Variants in KIF14 observed in about 807,000 individuals in gnomAD.
KIF14 encodes the protein kinesin-like protein KIF14.
Under a neutral mutation model 176.2 loss-of-function variants are expected in KIF14, and 98 were observed. The ratio of observed to expected loss-of-function variants is 0.56; its 90% CI spans 0.47 to 0.66. KIF14 has a LOEUF of 0.66. KIF14 is among the 30% of genes least tolerant of loss of function. The probability of loss-of-function intolerance (pLI) is 0.00; values close to 1 mark genes in which losing one functional copy is unlikely to be tolerated. For missense variants in KIF14, 1,751 were observed against 1,920.4 expected, an observed-to-expected ratio of 0.91 and a Z score of 1.65; for synonymous variants, 566 against 632.2, an observed-to-expected ratio of 0.90 and a Z score of 1.57.
intron 14 of KIF14, among the ~76,000 whole-genome samples, chr1:200,596,391 T>C (rs892439737): frequency 1.3e-5 from 2 of 152,212 alleles, no homozygotes; most frequent in Non-Finnish European, 2.9e-5. Context: ...AACTATTTAA[T>C]ATTTGGTACT....
At position 200,611,017 on chromosome 1, in the gene KIF14, G is replaced by T. The variant is rs540577601; in HGVS notation, c.1456-2089C>A. Reference sequence around the variant, plus strand: ...TAAATCAACAATTCTTCCTGATTGGGAGAGAAAGCAATCATTAGATTAAGT... The same window carrying T: ...TAAATCAACAATTCTTCCTGATTGGTAGAGAAAGCAATCATTAGATTAAGT... On this transcript the variant is annotated intron_variant, in intron 4 of 29. Coordinates refer to ENST00000367350, the MANE Select transcript of KIF14 (RefSeq NM_014875.3). Among the ~76,000 whole-genome samples the T allele has an allele frequency of 5.3e-5, 8 of 152,310 alleles. No individual in the cohort carries two copies. The South Asian group carries it at 1.4e-3, about 28-fold the overall frequency.
chr1:200,578,714 G>A (rs1246017936), intron 21 of KIF14, among the ~76,000 whole-genome samples: 2 of 151,624 alleles, frequency 1.3e-5, no homozygotes, highest in African/African-American at 4.8e-5. Context: ...ATATAATCAG[G>A]AAAAAAGGTA....
chr1:200,575,992 C>T (rs1436869465), intron 21 of KIF14, among the ~76,000 whole-genome samples: 2 of 151,964 alleles, frequency 1.3e-5, no homozygotes, highest in Non-Finnish European at 2.9e-5. Flanking sequence ...TCAGGAGAGA[C>T]ATAAAAGAAT....
At chr1:200,620,040 C>T (rs1451767154) in intron 1 of KIF14, among the ~76,000 whole-genome samples, 1 of 152,256 alleles carries the variant, frequency 6.6e-6, no homozygotes, top group Admixed American at 6.5e-5. Flanking sequence ...AAGATTATTG[C>T]TAGCGAGGAA....
At chr1:200,582,822 T>C (rs1171671882) in intron 19 of KIF14, among the ~76,000 whole-genome samples, 1 of 149,346 alleles carries the variant, frequency 6.7e-6, no homozygotes, top group Admixed American at 6.7e-5. Flanking sequence ...TGCACTCCAA[T>C]GCACTCCAAC....
At chr1:200,573,423 A>ATTTTTTTTTT (rs1657921825) in intron 22 of KIF14, among the ~76,000 whole-genome samples, 3 of 84,424 alleles carry the variant, frequency 3.6e-5, no homozygotes, top group African/African-American at 1.8e-4. Context: ...CAAGGAGCTC[A>ATTTTTTTTTT]TTTCTTTTTT....
chr1:200,560,612 A>G (rs1229817428), intron 26 of KIF14, 110 bp downstream of exon 26: 1 of 1,167,744 alleles, frequency 8.6e-7, no homozygotes, highest in Admixed American at 2.1e-5. Flanking sequence ...CTAAAAGTAC[A>G]AGCTATTTTG....
At chr1:200,567,640 G>A (rs1657543202) in intron 23 of KIF14, among the ~76,000 whole-genome samples, 1 of 151,832 alleles carries the variant, frequency 6.6e-6, no homozygotes, top group Non-Finnish European at 1.5e-5. Context: ...TAAATGAGAA[G>A]CTTGACTCAT....
intron 22 of KIF14, among the ~76,000 whole-genome samples, chr1:200,573,459 A>AG (rs1334502326): frequency 2.8e-5 from 2 of 72,478 alleles, no homozygotes; most frequent in East Asian, 3.0e-4. Context: ...TTTGAGACGG[A>AG]GTCCCGCTGT....
chr1:200,569,123 C>T lies in KIF14; in HGVS notation c.3661+788G>A, dbSNP rs528079274. 2.6e-5 allele frequency among the ~76,000 whole-genome samples: 4 copies of T among 152,022 alleles called. No homozygotes were observed. In the South Asian group the frequency reaches 8.3e-4, roughly 32 times the overall value. Reference sequence around the variant, plus strand: ...TATTTTTAGTAGAGACAGGGTTTCTCCATGTTGTTCAGGCTGGTCTTGAAC... The same window carrying T: ...TATTTTTAGTAGAGACAGGGTTTCTTCATGTTGTTCAGGCTGGTCTTGAAC... On this transcript the variant is annotated intron_variant, in intron 23 of 29. Coordinates refer to ENST00000367350, the MANE Select transcript of KIF14 (RefSeq NM_014875.3).
intron 27 of KIF14, among the ~76,000 whole-genome samples, chr1:200,557,150 T>G (rs1335689535): frequency 6.6e-6 from 1 of 152,094 alleles, no homozygotes. Context: ...ACTACAGATG[T>G]GCACCACCAC....
chr1:200,589,664 CT>C (rs1307522308), intron 17 of KIF14, among the ~76,000 whole-genome samples: 1 of 124,880 alleles, frequency 8.0e-6, no homozygotes, highest in Non-Finnish European at 1.7e-5. Flanking sequence ...TCGCCACCAA[CT>C]TTTTTCTTTT....
At chr1:200,583,301 A>T (rs1026750091) in intron 19 of KIF14, among the ~76,000 whole-genome samples, 9 of 152,152 alleles carry the variant, frequency 5.9e-5, no homozygotes, top group African/African-American at 1.9e-4. Context: ...AATTATTATT[A>T]ATATAGTTAT....
At chr1:200,571,320 G>A (rs200072643) in intron 22 of KIF14, among the ~76,000 whole-genome samples, 928 of 133,096 alleles carry the variant, frequency 7.0e-3, no homozygotes, top group Middle Eastern at 7.4e-3. Context: ...ATCTCAAAAA[G>A]AAAAAAAAAA....
chr1:200,604,083 T>A, intron 8 of KIF14, 128 bp from the exon 9 acceptor site: 1 of 605,422 alleles, frequency 1.7e-6, no homozygotes, highest in South Asian at 1.9e-5. Flanking sequence ...TTCTTTTTTT[T>A]TGAGACAGGG....
chr1:200,595,513 T>C (rs1027407060), intron 14 of KIF14, among the ~76,000 whole-genome samples: 12 of 152,200 alleles, frequency 7.9e-5, no homozygotes, highest in Non-Finnish European at 1.8e-4. Flanking sequence ...CCAAGTTCCT[T>C]ACTGGACTCT....
At chr1:200,558,319 T>A (rs1237488405) in intron 27 of KIF14, among the ~76,000 whole-genome samples, 2 of 152,228 alleles carry the variant, frequency 1.3e-5, no homozygotes, top group African/African-American at 4.8e-5. Flanking sequence ...TTCAGTCTCA[T>A]AAGAATTTGA....
At chr1:200,613,619 A>C (rs762267293) in intron 4 of KIF14, among the ~76,000 whole-genome samples, 16 of 149,674 alleles carry the variant, frequency 1.1e-4, no homozygotes, top group Non-Finnish European at 2.1e-4. Flanking sequence ...AAAAGCATGA[A>C]AATTATAAAA....
chr1:200,571,327 A>AAG (rs920121301), intron 22 of KIF14, among the ~76,000 whole-genome samples: 6 of 151,366 alleles, frequency 4.0e-5, no homozygotes, highest in Non-Finnish European at 5.9e-5. Flanking sequence ...AAAGAAAAAA[A>AAG]AAAAAAAAAG....
Sources: gnomAD v4.1 joint callset for allele counts (sites outside exome capture counted in the v4.1 genomes callset) on GRCh38, gnomAD v4.1.1 for gene constraint, MANE v1.5 for transcripts, NCBI Gene and HGNC (gene_info 2026-07-23, HGNC 2026-07-21) for gene names.